The following D2HGDH variants were observed in gnomAD, a reference collection of about 807,000 sequenced individuals.
D2HGDH encodes the protein D-2-hydroxyglutarate dehydrogenase.
Under a neutral mutation model 46.9 loss-of-function variants are expected in D2HGDH, and 31 were observed. The observed-to-expected ratio is 0.66, with a 90% CI of 0.50 to 0.89. D2HGDH has a LOEUF of 0.89. Among genes scored for constraint, D2HGDH ranks in the 40% least tolerant of loss-of-function variants. The pLI, the probability that D2HGDH is intolerant of heterozygous loss-of-function variation, is 0.00. For missense variants in D2HGDH, 698 were observed against 720.8 expected, an observed-to-expected ratio of 0.97 and a Z score of 0.36; for synonymous variants, 364 against 332.6, an observed-to-expected ratio of 1.09 and a Z score of -1.03.
chr2:241,745,329 C>CT (rs1426072963), intron 6 of D2HGDH, among the ~76,000 whole-genome samples: 1 of 152,206 alleles, frequency 6.6e-6, no homozygotes, highest in Non-Finnish European at 1.5e-5. Flanking sequence ...GCTGCTGTGT[C>CT]TCCACAGGCC....
In D2HGDH at chr2:241,743,104, AGGGCG is replaced by A. The variant is rs1559358315; in HGVS notation, c.491-517_491-513del. Among the ~76,000 whole-genome samples the A allele has an allele frequency of 1.9e-5, 1 of 53,734 alleles. No individual in the cohort carries two copies. The highest frequency in any genetic ancestry group is 1.3e-4 in the African/African-American group (1 of 7,766). The allele number at this position is 53,734 out of a possible 152,430, so 35.3% of individuals were successfully genotyped here. A position where few individuals can be genotyped will look rare whatever the true frequency, so the allele number is the denominator to read the frequency against. ...TGAGGGGATCCTGACCCAGGGTGCC[AGGGCG>A]TGGCAGGCATGAGGGGATCCTGACC... is the stretch of plus-strand genomic sequence containing the variant. On this transcript the variant is annotated intron_variant, in intron 4 of 9. Transcript: ENST00000321264. The surrounding 1 kb of genome is among the most constrained non-coding windows in gnomAD (Gnocchi z 4.8).
chr2:241,748,936 A>G lies in D2HGDH; in HGVS notation c.854-1215A>G, dbSNP rs763755809. 1.5e-4 allele frequency: 191 copies of G among 1,291,514 alleles called. 1 individual carries two copies. In the South Asian group the frequency reaches 2.3e-3, roughly 15 times the overall value. 80.0% of individuals were successfully genotyped at this position (1,291,514 alleles called of 1,614,324 possible). A position where few individuals can be genotyped will look rare whatever the true frequency, so the allele number is the denominator to read the frequency against. On this transcript the variant is annotated intron_variant, in intron 6 of 9. Coordinates refer to ENST00000321264, the MANE Select transcript of D2HGDH (RefSeq NM_152783.5). ...CCGGCTGCCGCATCCTGCTCTTCGCACTCCAGGTCTCAGACAGGAGTCACT... is the reference window on the plus strand; with the variant it reads ...CCGGCTGCCGCATCCTGCTCTTCGCGCTCCAGGTCTCAGACAGGAGTCACT...
intron 2 of D2HGDH, 124 bp from the exon 3 acceptor site, chr2:241,740,909 C>T: frequency 1.3e-6 from 1 of 777,402 alleles, no homozygotes; most frequent in Non-Finnish European, 2.2e-6. Context: ...CGTGGCACTT[C>T]AGCCTGGGCA....
At chr2:241,760,405 C>G (rs1485143903) in intron 9 of D2HGDH, among the ~76,000 whole-genome samples, 5 of 147,864 alleles carry the variant, frequency 3.4e-5, no homozygotes, top group African/African-American at 1.3e-4. Flanking sequence ...TGGGCCTTAC[C>G]CAATCAGTCG....
chr2:241,758,767 ATATGTGTGTGTGTGTGTG>A (rs1273792922), intron 9 of D2HGDH, among the ~76,000 whole-genome samples: 2 of 106,140 alleles, frequency 1.9e-5, no homozygotes, highest in African/African-American at 3.0e-5. Context: ...GCCCCACAAT[ATATGTGTGTGTGTGTGTG>A]TGTGTGTGTG....
In D2HGDH at chr2:241,743,419, T is replaced by C. The variant is rs553512872; in HGVS notation, c.491-203T>C. ...TCATGTTACTCATTTTTTTTTTGTG[T>C]CACCATAATTATAAAGGTCCTGTGA... On this transcript the variant is annotated intron_variant, in intron 4 of 9. Coordinates refer to ENST00000321264, the MANE Select transcript of D2HGDH (RefSeq NM_152783.5). The surrounding 1 kb of genome is among the most constrained non-coding windows in gnomAD (Gnocchi z 4.8). 3.3e-5 allele frequency among the ~76,000 whole-genome samples: 5 copies of C among 152,256 alleles called. No homozygotes were observed. In the South Asian group the frequency reaches 1.0e-3, roughly 32 times the overall value.
rs1185597664 is a variant in D2HGDH, at chr2:241,735,287, G to A, written c.63G>A (p.Ala21=). The A allele has an allele frequency of 1.3e-6, 2 of 1,524,106 alleles. No homozygotes were observed. The highest frequency in any genetic ancestry group is 2.5e-5 in the East Asian group (1 of 40,132). The allele number at this position is 1,524,106 out of a possible 1,614,324, so 94.4% of individuals were successfully genotyped here. The part of the protein sequence containing the change: ...AWLLRGAPGA[A]GSWGRPVGPL... ...TGTTGCGGGGTGCTCCGGGAGCCGC[G>A]GGTTCTTGGGGTCGGCCGGTTGGCC... is the stretch of plus-strand genomic sequence containing the variant. Residue 21 remains alanine (A), a synonymous_variant, in exon 2 of 10, where the codon GCG becomes GCA. Transcript: ENST00000321264.
At chr2:241,740,961 T>C in intron 2 of D2HGDH, 72 bp from the exon 3 acceptor site, 3 of 1,303,070 alleles carry the variant, frequency 2.3e-6, no homozygotes, top group South Asian at 1.2e-5. Flanking sequence ...ACTCGCTCTC[T>C]GGGGCGAGTG....
chr2:241,758,248 G>A (rs1284679650), intron 9 of D2HGDH, among the ~76,000 whole-genome samples: 1 of 152,136 alleles, frequency 6.6e-6, no homozygotes, highest in Non-Finnish European at 1.5e-5. Flanking sequence ...CTGGATTTTG[G>A]TATCAAAATC....
In D2HGDH at chr2:241,751,247, G is replaced by C; in HGVS notation, c.999G>C (p.Glu333Asp). ...TCTGCCTTCCTTGCTCACTTCTAGA[G>C]AGTCCGTTTTACGTCCTCATCGAGA... Reference protein sequence around the residue: ...RHLHLASPVQESPFYVLIETS... With the variant: ...RHLHLASPVQDSPFYVLIETS... Residue 333 changes from glutamate to aspartate, a missense_variant and splice_region_variant, in exon 8 of 10, where the codon GAG becomes GAC. Glu to Asp is a conservative substitution (Grantham distance 45). Coordinates refer to ENST00000321264, the MANE Select transcript of D2HGDH (RefSeq NM_152783.5). The C allele has an allele frequency of 1.9e-6, 3 of 1,614,000 alleles. No homozygotes were observed. The highest frequency in any genetic ancestry group is 1.7e-6 in the Non-Finnish European group (2 of 1,180,034).
chr2:241,743,917 T>C lies in D2HGDH; in HGVS notation c.684+102T>C. The C allele has an allele frequency of 7.5e-7, 1 of 1,326,614 alleles. No individual in the cohort carries two copies. Among genetic ancestry groups the C allele is most frequent in the East Asian group, 2.5e-5 (1 of 39,572 alleles). 82.2% of individuals were successfully genotyped at this position (1,326,614 alleles called of 1,614,324 possible). A position where few individuals can be genotyped will look rare whatever the true frequency, so the allele number is the denominator to read the frequency against. On this transcript the variant is annotated intron_variant, in intron 5 of 9. Coordinates refer to ENST00000321264, the MANE Select transcript of D2HGDH (RefSeq NM_152783.5). This position sits in a 1 kb window ranked among gnomAD's most constrained non-coding sequence, Gnocchi z 4.8. Reference sequence around the variant, plus strand: ...CACAGGTGCATGGGGCCCCTCGGGGTGGGAGGTCTTGGTTCCTGGCCCTGG... The same window carrying C: ...CACAGGTGCATGGGGCCCCTCGGGGCGGGAGGTCTTGGTTCCTGGCCCTGG...
Position 241,742,520 on chromosome 2 carries a change from A to G in D2HGDH, c.436A>G (p.Ile146Val). 6.2e-7 allele frequency: 1 copy of G among 1,613,968 alleles called. No individual in the cohort carries two copies. Among genetic ancestry groups the G allele is most frequent in the South Asian group, 1.1e-5 (1 of 91,076 alleles). ...TGGCAGCGTCCCCGTCTTTGACGAG[A>G]TCATCCTCTCCACTGCCCGCATGAA... is the stretch of plus-strand genomic sequence containing the variant. ...VGGSVPVFDE[I>V]ILSTARMNRV... Residue 146 changes from isoleucine to valine, a missense_variant, in exon 4 of 10, where the codon ATC becomes GTC. Transcript: ENST00000321264. The surrounding 1 kb of genome is among the most constrained non-coding windows in gnomAD (Gnocchi z 4.8).
Position 241,742,475 on chromosome 2 carries a change from G to A in D2HGDH, c.391G>A (p.Gly131Ser). Residue 131 changes from glycine (G) to serine (S), a missense_variant, in exon 4 of 10, where the codon GGC becomes AGC. Physicochemically the swap from Gly to Ser is moderately conservative, Grantham distance 56 (BLOSUM62 0). Coordinates refer to ENST00000321264, the MANE Select transcript of D2HGDH (RefSeq NM_152783.5). The surrounding 1 kb of genome is among the most constrained non-coding windows in gnomAD (Gnocchi z 4.8). ...ERNLAVNPQG[G>S]NTGMVGGSVP... is the part of the protein sequence containing the mutation. ...GAACCTGGCCGTGAACCCACAGGGG[G>A]GCAACACAGGCATGGTGGGTGGCAG... is the stretch of plus-strand genomic sequence containing the variant. 2 of 1,613,888 alleles carry A rather than the reference G, an allele frequency of 1.2e-6. No homozygotes were observed. The highest frequency in any genetic ancestry group is 1.7e-6 in the Non-Finnish European group (2 of 1,179,940).
At chr2:241,749,431 T>C in intron 6 of D2HGDH, 1 of 1,187,708 alleles carries the variant, frequency 8.4e-7, no homozygotes, top group Non-Finnish European at 1.1e-6. Context: ...CTGCAGCGTC[T>C]CTGGGGCTGC....
chr2:241,735,180 C>G lies in D2HGDH; in HGVS notation c.-45C>G. 2 of 1,477,994 alleles carry G rather than the reference C, an allele frequency of 1.4e-6. No individual in the cohort carries two copies. The highest frequency in any genetic ancestry group is 1.8e-6 in the Non-Finnish European group (2 of 1,123,694). The allele number at this position is 1,477,994 out of a possible 1,614,324, so 91.6% of individuals were successfully genotyped here. On this transcript the variant is annotated 5_prime_UTR_variant, in exon 2 of 10. Coordinates refer to ENST00000321264, the MANE Select transcript of D2HGDH (RefSeq NM_152783.5). ...CCCTTCCCCTCCGGGCCCTGAGTAC[C>G]GGCCCCCCACCAAGGAGGAGCCCGA...
chr2:241,750,136 T>G lies in D2HGDH; in HGVS notation c.854-15T>G. 6.2e-7 allele frequency: 1 copy of G among 1,613,886 alleles called. No homozygotes were observed. Among genetic ancestry groups the G allele is most frequent in the Non-Finnish European group, 8.5e-7 (1 of 1,180,026 alleles). On this transcript the variant is annotated splice_polypyrimidine_tract_variant and intron_variant, in intron 6 of 9. Coordinates refer to ENST00000321264, the MANE Select transcript of D2HGDH (RefSeq NM_152783.5). ...TAGCTCCGTGTGGTGCTTGACATGC[T>G]GTGACCCGTTTCAGGCTGCCCAGGC...
In D2HGDH at chr2:241,767,726, C is replaced by T. The variant is rs553102927; in HGVS notation, c.1323C>T (p.His441=). 41 of 1,612,794 alleles carry T rather than the reference C, an allele frequency of 2.5e-5. 1 individual carries two copies. The South Asian group carries it at 3.7e-4, about 15-fold the overall frequency. ...GYGHLGDGNL[H]LNVTAEAFSP... is the part of the protein sequence containing the mutation. Reference sequence around the variant, plus strand: ...TCCCTCCAGGAGATGGTAACCTGCACCTCAATGTGACGGCGGAGGCCTTCA... The same window carrying T: ...TCCCTCCAGGAGATGGTAACCTGCATCTCAATGTGACGGCGGAGGCCTTCA... The change falls in exon 10 of 10, where the codon CAC becomes CAT. Residue 441 remains histidine, a synonymous_variant. Transcript: ENST00000321264.
chr2:241,737,833 T>C (rs1453765196), intron 2 of D2HGDH, among the ~76,000 whole-genome samples: 1 of 152,202 alleles, frequency 6.6e-6, no homozygotes, highest in African/African-American at 2.4e-5. Flanking sequence ...CAAAATGATA[T>C]ATTTAAACCT....
At chr2:241,736,704 T>G (rs1692957246) in intron 2 of D2HGDH, among the ~76,000 whole-genome samples, 1 of 151,270 alleles carries the variant, frequency 6.6e-6, no homozygotes, top group South Asian at 2.1e-4. Flanking sequence ...AGTCTCACTC[T>G]TTTTGCCCAG....
Sources: gnomAD v4.1 joint callset for allele counts (sites outside exome capture counted in the v4.1 genomes callset) on GRCh38, gnomAD v4.1.1 for gene constraint, Gnocchi (gnomAD v3.1) non-coding constraint, MANE v1.5 for transcripts, NCBI Gene and HGNC (gene_info 2026-07-23, HGNC 2026-07-21) for gene names.